STK32B: variants seen among roughly 807,000 people sequenced by gnomAD.
The protein encoded by STK32B is serine/threonine kinase 32B, also known as serine/threonine-protein kinase 32B.
A neutral mutation model predicts 52.6 loss-of-function variants in STK32B; 43 were observed. The observed-to-expected ratio is 0.82, with a 90% CI of 0.64 to 1.05. The LOEUF is 1.05. Among genes scored for constraint, STK32B ranks in the 50% least tolerant of loss-of-function variants. The pLI, the probability that STK32B is intolerant of heterozygous loss-of-function variation, is 0.00. For synonymous variants in STK32B, 238 were observed against 204.3 expected (o/e 1.17, Z -1.41); for missense variants, 621 against 534.6 (o/e 1.16, Z -1.59).
intron 11 of STK32B, among the ~76,000 whole-genome samples, chr4:5,486,278 T>G (rs1348026964): frequency 6.6e-6 from 1 of 152,152 alleles, no homozygotes; most frequent in East Asian, 1.9e-4. Flanking sequence ...ACTCAAGCCT[T>G]GGCAATGGCG....
chr4:5,161,777 A>G (rs978013230), intron 2 of STK32B, among the ~76,000 whole-genome samples: 6 of 152,210 alleles, frequency 3.9e-5, no homozygotes, highest in African/African-American at 9.7e-5. Context: ...TATTTGAGCA[A>G]TATAGTAGCC....
intron 3 of STK32B, among the ~76,000 whole-genome samples, chr4:5,278,706 C>G (rs1728001309): frequency 6.6e-6 from 1 of 152,048 alleles, no homozygotes; most frequent in East Asian, 1.9e-4. Flanking sequence ...AAAGACATAC[C>G]TGAGACTGGG....
chr4:5,241,321 C>T (rs13434796), intron 3 of STK32B, among the ~76,000 whole-genome samples: 107 of 152,186 alleles, frequency 7.0e-4, no homozygotes, highest in African/African-American at 2.5e-3. Flanking sequence ...ATTTGAGGAT[C>T]GTTGCCCCAT....
At chr4:5,217,111 C>A (rs1269674292) in intron 3 of STK32B, among the ~76,000 whole-genome samples, 1 of 152,170 alleles carries the variant, frequency 6.6e-6, no homozygotes, top group African/African-American at 2.4e-5. Context: ...TGCTCAGCTT[C>A]CTTGAGGCCA....
intron 1 of STK32B, among the ~76,000 whole-genome samples, chr4:5,074,293 G>T (rs1413477301): frequency 6.6e-6 from 1 of 151,798 alleles, no homozygotes; most frequent in African/African-American, 2.4e-5. Context: ...GATCCCTTCT[G>T]TATTGTCCAC....
chr4:5,245,564 C>G (rs990418260), intron 3 of STK32B, among the ~76,000 whole-genome samples: 2 of 152,092 alleles, frequency 1.3e-5, no homozygotes, highest in African/African-American at 2.4e-5. Flanking sequence ...AGCATTTAGC[C>G]CATTTACATT....
intron 3 of STK32B, among the ~76,000 whole-genome samples, chr4:5,250,391 C>G (rs969999520): frequency 6.7e-6 from 1 of 148,840 alleles, no homozygotes; most frequent in Non-Finnish European, 1.5e-5. Context: ...TGGGTCACTG[C>G]AACCTCCGCC....
At chr4:5,035,325 A>C in the STK32B span, among the ~76,000 whole-genome samples, 1 of 152,208 alleles carries the variant, frequency 6.6e-6, no homozygotes, top group African/African-American at 2.4e-5. Context: ...TAATCTTTCT[A>C]GCTTGAGTAA....
intron 4 of STK32B, among the ~76,000 whole-genome samples, chr4:5,392,584 G>A (rs1440531613): frequency 6.6e-6 from 1 of 151,688 alleles, no homozygotes; most frequent in Non-Finnish European, 1.5e-5. Flanking sequence ...CATTGATCTA[G>A]AGACCAACAT....
chr4:5,236,620 G>A (rs1724656534), intron 3 of STK32B, among the ~76,000 whole-genome samples: 1 of 152,204 alleles, frequency 6.6e-6, no homozygotes, highest in African/African-American at 2.4e-5. Flanking sequence ...ACCGTGCCTG[G>A]CACACAGAAC....
intron 11 of STK32B, among the ~76,000 whole-genome samples, chr4:5,475,792 A>C (rs1395186923): frequency 1.3e-5 from 2 of 151,614 alleles, no homozygotes; most frequent in Non-Finnish European, 2.9e-5. Flanking sequence ...TATCATTTTT[A>C]AGTGTATTGA....
chr4:5,436,582 A>G (rs1046585177), intron 6 of STK32B: 3 of 985,300 alleles, frequency 3.0e-6, no homozygotes, highest in Non-Finnish European at 2.4e-6. Flanking sequence ...CTGGGAAGCT[A>G]TGCTGCTCCT....
At chr4:5,243,347 A>G (rs541871116) in intron 3 of STK32B, among the ~76,000 whole-genome samples, 3 of 152,228 alleles carry the variant, frequency 2.0e-5, no homozygotes, top group South Asian at 4.2e-4. Flanking sequence ...GCAATTGTGA[A>G]TGGGAGTTCA....
At chr4:5,249,247 C>G (rs773918445) in intron 3 of STK32B, among the ~76,000 whole-genome samples, 25 of 152,148 alleles carry the variant, frequency 1.6e-4, no homozygotes, top group Non-Finnish European at 3.4e-4. Context: ...AGAATTCTGG[C>G]CATCAGTTGC....
At chr4:5,488,257 C>T (rs543351548) in intron 11 of STK32B, among the ~76,000 whole-genome samples, 32 of 152,178 alleles carry the variant, frequency 2.1e-4, no homozygotes, top group Non-Finnish European at 4.0e-4. Context: ...GAGATCACGC[C>T]ACTGCACTCC....
chr4:5,056,074 G>A (rs1232253139), intron 1 of STK32B, among the ~76,000 whole-genome samples: 1 of 152,116 alleles, frequency 6.6e-6, no homozygotes, highest in African/African-American at 2.4e-5. Flanking sequence ...TAATGCCTGA[G>A]TTCTGCCTCC....
chr4:5,145,595 T>C (rs555796300), intron 2 of STK32B, among the ~76,000 whole-genome samples: 47 of 152,316 alleles, frequency 3.1e-4, no homozygotes, highest in African/African-American at 1.1e-3. Context: ...ATGCAATATA[T>C]AGTCTTTTGT....
chr4:5,310,883 A>G (rs1458277672), intron 3 of STK32B, among the ~76,000 whole-genome samples: 1 of 152,202 alleles, frequency 6.6e-6, no homozygotes, highest in Non-Finnish European at 1.5e-5. Flanking sequence ...TCTGTCGTTC[A>G]TGGCAACATG....
chr4:5,345,739 C>G (rs1279963501), intron 4 of STK32B, among the ~76,000 whole-genome samples: 1 of 152,222 alleles, frequency 6.6e-6, no homozygotes, highest in Non-Finnish European at 1.5e-5. Context: ...TTCTGATAAC[C>G]TATGGTAATC....
Sources: allele counts gnomAD v4.1 joint callset (sites outside exome capture counted in the v4.1 genomes callset), GRCh38; gene constraint gnomAD v4.1.1; transcripts MANE v1.5; gene names NCBI Gene and HGNC (gene_info 2026-07-23, HGNC 2026-07-21).